ANTXR1: variants seen among roughly 807,000 people sequenced by gnomAD.
ANTXR1 encodes anthrax toxin receptor 1.
ANTXR1 carries 19 observed loss-of-function variants against 78.1 expected under a neutral mutation model. The observed-to-expected ratio is 0.24, with a 90% CI of 0.17 to 0.36. ANTXR1 has a LOEUF of 0.36. Among genes scored for constraint, ANTXR1 ranks in the 10% least tolerant of loss-of-function variants. The probability of loss-of-function intolerance (pLI) is 1.00; values close to 1 mark genes in which losing one functional copy is unlikely to be tolerated. For synonymous variants in ANTXR1, 273 were observed against 260.5 expected, an observed-to-expected ratio of 1.05 and a Z score of -0.46; for missense variants, 518 against 718.6, an observed-to-expected ratio of 0.72 and a Z score of 3.19.
chr2:69,153,975 T>A (rs961409798), intron 13 of ANTXR1, among the ~76,000 whole-genome samples: 1 of 152,052 alleles, frequency 6.6e-6, no homozygotes, highest in Non-Finnish European at 1.5e-5. Context: ...TATAAAGGAG[T>A]GTATATATAT....
intron 1 of ANTXR1, among the ~76,000 whole-genome samples, chr2:69,017,437 CT>C (rs1356110488): frequency 1.3e-5 from 2 of 152,312 alleles, no homozygotes; most frequent in South Asian, 2.1e-4. Flanking sequence ...GCAACTCCTT[CT>C]TCCCCTGCAA....
intron 3 of ANTXR1, among the ~76,000 whole-genome samples, chr2:69,054,271 T>C (rs1558744510): frequency 6.6e-6 from 1 of 152,184 alleles, no homozygotes; most frequent in Non-Finnish European, 1.5e-5. Flanking sequence ...AGTGTTCATA[T>C]TCTTAATTAC....
At chr2:69,205,903 T>C (rs1402177137) in intron 17 of ANTXR1, among the ~76,000 whole-genome samples, 4 of 150,416 alleles carry the variant, frequency 2.7e-5, no homozygotes, top group Middle Eastern at 3.5e-3. Context: ...TAATAACTTT[T>C]CTTTAAGTTT....
intron 8 of ANTXR1, 146 bp downstream of exon 8, chr2:69,077,634 G>A (rs1212458819): frequency 2.1e-5 from 18 of 861,580 alleles, no homozygotes; most frequent in Admixed American, 1.6e-4. Context: ...TGTCTGCCAC[G>A]TCCCATCTCT....
chr2:69,177,718 C>A (rs1674165232), intron 14 of ANTXR1, among the ~76,000 whole-genome samples: 1 of 152,188 alleles, frequency 6.6e-6, no homozygotes, highest in Non-Finnish European at 1.5e-5. Flanking sequence ...AGCTCTGGCA[C>A]AAATCCAACT....
chr2:69,017,704 C>T (rs1671062865), intron 1 of ANTXR1, among the ~76,000 whole-genome samples: 1 of 152,152 alleles, frequency 6.6e-6, no homozygotes, highest in Non-Finnish European at 1.5e-5. Context: ...TTCACTTAAA[C>T]ATGCTTTTCT....
intron 12 of ANTXR1, among the ~76,000 whole-genome samples, chr2:69,129,039 A>G (rs1672640227): frequency 6.6e-6 from 1 of 152,292 alleles, no homozygotes; most frequent in Middle Eastern, 3.4e-3. Context: ...AAGAGCTAAA[A>G]CATTCCTATA....
chr2:69,193,465 A>ACT, intron 17 of ANTXR1, 50 bp downstream of exon 17: 1 of 630,814 alleles, frequency 1.6e-6, no homozygotes, highest in Non-Finnish European at 2.5e-6. Context: ...TCTCTCACAT[A>ACT]CACACACACA....
At chr2:69,207,994 A>C (rs966288518) in intron 17 of ANTXR1, among the ~76,000 whole-genome samples, 9 of 152,236 alleles carry the variant, frequency 5.9e-5, no homozygotes, top group African/African-American at 1.9e-4. Context: ...AAAGACATTC[A>C]AAGGTAGGCA....
At chr2:69,136,456 G>T (rs189194412) in intron 12 of ANTXR1, among the ~76,000 whole-genome samples, 85 of 152,224 alleles carry the variant, frequency 5.6e-4, no homozygotes, top group Non-Finnish European at 1.0e-3. Context: ...AAAAACAATT[G>T]AAATCAATAG....
At chr2:69,148,040 G>C (rs1673275703) in intron 12 of ANTXR1, among the ~76,000 whole-genome samples, 1 of 152,090 alleles carries the variant, frequency 6.6e-6, no homozygotes, top group Non-Finnish European at 1.5e-5. Flanking sequence ...CCTCCACCTG[G>C]GTCTTCTATT....
At chr2:69,201,510 G>T (rs1479065650) in intron 17 of ANTXR1, among the ~76,000 whole-genome samples, 1 of 152,242 alleles carries the variant, frequency 6.6e-6, no homozygotes, top group African/African-American at 2.4e-5. Flanking sequence ...TACTGCAAGA[G>T]TTTTAAGCAG....
chr2:69,114,794 A>T (rs996082373), intron 10 of ANTXR1, among the ~76,000 whole-genome samples: 1 of 152,160 alleles, frequency 6.6e-6, no homozygotes, highest in African/African-American at 2.4e-5. Flanking sequence ...GCCTGCAAGG[A>T]GGGCTTTATC....
chr2:69,081,379 T>C lies in ANTXR1; in HGVS notation c.642+3891T>C, dbSNP rs529673757. ...TCAAATCCCCAGATGCTCTGCTTCC[T>C]CAATCTGATGCTCATGTTTTGATCT... On this transcript the variant is annotated intron_variant, in intron 8 of 17. Coordinates refer to ENST00000303714, the MANE Select transcript of ANTXR1 (RefSeq NM_032208.3). Among the ~76,000 whole-genome samples the C allele has an allele frequency of 3.3e-5, 5 of 152,360 alleles. No homozygotes were observed. The South Asian group carries it at 1.0e-3, about 32-fold the overall frequency.
intron 8 of ANTXR1, among the ~76,000 whole-genome samples, chr2:69,079,869 T>C (rs571221287): frequency 2.6e-5 from 4 of 152,298 alleles, no homozygotes; most frequent in East Asian, 3.9e-4. Context: ...ACATAGATGA[T>C]TGGACTCTTT....
chr2:69,225,632 C>T (rs1419755117), intron 17 of ANTXR1, among the ~76,000 whole-genome samples: 1 of 152,024 alleles, frequency 6.6e-6, no homozygotes, highest in Non-Finnish European at 1.5e-5. Flanking sequence ...ACTCATTAAC[C>T]TCATGGGTAG....
intron 3 of ANTXR1, among the ~76,000 whole-genome samples, chr2:69,047,002 A>G (rs1415012940): frequency 6.6e-6 from 1 of 152,236 alleles, no homozygotes; most frequent in Non-Finnish European, 1.5e-5. Flanking sequence ...TCCTTGAACA[A>G]CATTTTGAAC....
chr2:69,050,225 G>A (rs574862788), intron 3 of ANTXR1, among the ~76,000 whole-genome samples: 139 of 152,114 alleles, frequency 9.1e-4, no homozygotes, highest in African/African-American at 3.2e-3. Context: ...TTGAGGCATG[G>A]GAGGTAAAGG....
At chr2:69,103,954 T>TTTTTGG (rs1671719150) in intron 10 of ANTXR1, among the ~76,000 whole-genome samples, 2 of 151,328 alleles carry the variant, frequency 1.3e-5, no homozygotes, top group African/African-American at 4.9e-5. Flanking sequence ...TTTTTTTTTT[T>TTTTTGG]GGAGACTGAG....
Sources: allele counts gnomAD v4.1 joint callset (sites outside exome capture counted in the v4.1 genomes callset), GRCh38; gene constraint gnomAD v4.1.1; transcripts MANE v1.5; gene names NCBI Gene and HGNC (gene_info 2026-07-23, HGNC 2026-07-21).